Variants in PTPDC1 observed in about 807,000 individuals in gnomAD.
PTPDC1 encodes the protein protein tyrosine phosphatase domain containing 1, also known as protein tyrosine phosphatase domain-containing protein 1.
Under a neutral mutation model 75.3 loss-of-function variants are expected in PTPDC1, and 53 were observed. That is an observed-to-expected ratio of 0.70 (90% CI 0.56 to 0.88). The LOEUF is 0.88. Ranked by LOEUF, PTPDC1 falls within the 40% of genes least tolerant of loss-of-function variation. The pLI is 0.00. For synonymous variants in PTPDC1, 349 were observed against 366.2 expected (o/e 0.95, Z 0.54); for missense variants, 925 against 998.6 (o/e 0.93, Z 0.99).
chr9:94,083,565 G>A (rs1826963311), upstream of PTPDC1, among the ~76,000 whole-genome samples: 1 of 152,230 alleles, frequency 6.6e-6, no homozygotes, highest in African/African-American at 2.4e-5. Flanking sequence ...GCAAGCGAGG[G>A]CGCAGCCTGA....
In PTPDC1 at chr9:94,098,145, C is replaced by A; in HGVS notation, c.1579C>A (p.Pro527Thr). 1.2e-6 allele frequency: 2 copies of A among 1,614,204 alleles called. No individual in the cohort carries two copies. The highest frequency in any genetic ancestry group is 8.5e-7 in the Non-Finnish European group (1 of 1,180,038). The change falls in exon 6 of 9, where the codon CCA becomes ACA. Residue 527 changes from proline (P) to threonine (T), a missense_variant. Physicochemically the swap from Pro to Thr is conservative, Grantham distance 38 (BLOSUM62 -1). Transcript: ENST00000620992. ...GGAAGGACTCAAAGATAATGGGTCACCAATTTTCCATGGAAGGATCATTCC... is the reference window on the plus strand; with the variant it reads ...GGAAGGACTCAAAGATAATGGGTCAACAATTTTCCATGGAAGGATCATTCC... ...GLEGLKDNGS[P>T]IFHGRIIPKE... is the part of the protein sequence containing the mutation.
chr9:94,076,852 C>T (rs922097064), intron 2 of PTPDC1, among the ~76,000 whole-genome samples: 3 of 152,062 alleles, frequency 2.0e-5, no homozygotes, highest in South Asian at 2.1e-4. Flanking sequence ...TTATTATTGT[C>T]GGGCATTTGA....
At chr9:94,037,986 G>A (rs1353152956) in intron 1 of PTPDC1, 6 of 295,426 alleles carry the variant, frequency 2.0e-5, no homozygotes, top group South Asian at 4.0e-5. Flanking sequence ...GTCCGGCTTC[G>A]GGGTAGGAAC....
At chr9:94,088,352 G>A in intron 4 of PTPDC1, 89 bp downstream of exon 4, 6 of 1,416,422 alleles carry the variant, frequency 4.2e-6, no homozygotes, top group East Asian at 4.7e-5. Context: ...AAAAGATGAT[G>A]GAAATAAATA....
intron 4 of PTPDC1, among the ~76,000 whole-genome samples, chr9:94,092,436 G>A (rs1456198221): frequency 1.4e-5 from 2 of 142,152 alleles, no homozygotes; most frequent in African/African-American, 5.4e-5. Flanking sequence ...TGATTGCACT[G>A]TGGTCTGAGA....
intron 1 of PTPDC1, among the ~76,000 whole-genome samples, chr9:94,037,808 A>G (rs1456403828): frequency 2.0e-5 from 3 of 152,158 alleles, no homozygotes; most frequent in African/African-American, 7.2e-5. Context: ...TCGCTGAAGG[A>G]AAGTTATCCA....
At chr9:94,076,181 A>G (rs996253199) in intron 2 of PTPDC1, among the ~76,000 whole-genome samples, 1 of 152,022 alleles carries the variant, frequency 6.6e-6, no homozygotes, top group Non-Finnish European at 1.5e-5. Context: ...TGTATTTTTC[A>G]TGGAGACAGG....
At position 94,095,335 on chromosome 9, in the gene PTPDC1, G is replaced by T; in HGVS notation, c.635G>T (p.Gly212Val). The T allele has an allele frequency of 6.2e-7, 1 of 1,603,960 alleles. No individual in the cohort carries two copies. Among genetic ancestry groups the T allele is most frequent in the South Asian group, 1.1e-5 (1 of 88,408 alleles). ...MEAGIYFYNF[G>V]WKDYGVASLT... ...TTCCTAGTTTACTTCTACAATTTCGGATGGAAGGATTATGGTGTAGCGTCT... is the reference window on the plus strand; with the variant it reads ...TTCCTAGTTTACTTCTACAATTTCGTATGGAAGGATTATGGTGTAGCGTCT... Residue 212 changes from glycine (G) to valine (V), a missense_variant, in exon 5 of 9, where the codon GGA becomes GTA. Transcript: ENST00000620992.
intron 1 of PTPDC1, chr9:94,038,078 C>G (rs1825325676): frequency 7.4e-6 from 4 of 537,616 alleles, no homozygotes; most frequent in Non-Finnish European, 1.4e-5. Context: ...GAAGTGTGCC[C>G]AGTGACACAC....
intron 4 of PTPDC1, among the ~76,000 whole-genome samples, chr9:94,094,291 C>T (rs1202078504): frequency 6.6e-6 from 1 of 151,042 alleles, no homozygotes; most frequent in Non-Finnish European, 1.5e-5. Context: ...GTTAGTTTTC[C>T]TTCTAACAGA....
chr9:94,052,330 A>G (rs1414032959), intron 1 of PTPDC1, among the ~76,000 whole-genome samples: 2 of 152,114 alleles, frequency 1.3e-5, no homozygotes, highest in African/African-American at 4.8e-5. Context: ...CTAAAAATAT[A>G]CTTTCTATTA....
chr9:94,038,383 G>T, intron 1 of PTPDC1: 1 of 449,238 alleles, frequency 2.2e-6, no homozygotes, highest in Non-Finnish European at 4.1e-6. Flanking sequence ...AATGTCTCAT[G>T]ACTTTTTTAT....
At chr9:94,066,816 C>A (rs1167157314) in intron 2 of PTPDC1, among the ~76,000 whole-genome samples, 1 of 151,826 alleles carries the variant, frequency 6.6e-6, no homozygotes, top group Non-Finnish European at 1.5e-5. Context: ...CCTCAGCCTC[C>A]CAAACTGCTG....
At chr9:94,081,251 A>C (rs1232907669), upstream of PTPDC1, among the ~76,000 whole-genome samples, 2 of 152,168 alleles carry the variant, frequency 1.3e-5, no homozygotes, top group African/African-American at 4.8e-5. Context: ...CAGCCTCCCA[A>C]AGTGCTGGGA....
chr9:94,069,010 C>T (rs1048727174), intron 2 of PTPDC1, among the ~76,000 whole-genome samples: 6 of 152,108 alleles, frequency 3.9e-5, no homozygotes, highest in African/African-American at 1.4e-4. Flanking sequence ...TCCTATATTC[C>T]TCACTCTCTG....
intron 2 of PTPDC1, among the ~76,000 whole-genome samples, chr9:94,069,926 G>A (rs1028082243): frequency 4.0e-5 from 6 of 148,568 alleles, no homozygotes; most frequent in Non-Finnish European, 7.4e-5. Context: ...CCGGGTTCAC[G>A]CCATTCTCCT....
At chr9:94,048,090 T>C (rs986622890) in intron 1 of PTPDC1, among the ~76,000 whole-genome samples, 1 of 152,176 alleles carries the variant, frequency 6.6e-6, no homozygotes, top group African/African-American at 2.4e-5. Context: ...TTGATTCTTC[T>C]CTCTATTCTT....
At chr9:94,034,778 G>T (rs1825209157) in intron 1 of PTPDC1, among the ~76,000 whole-genome samples, 1 of 151,608 alleles carries the variant, frequency 6.6e-6, no homozygotes, top group African/African-American at 2.4e-5. Context: ...AGAAAATTGT[G>T]CCCCCAATAA....
At chr9:94,088,093 T>C (rs1490043026) in intron 3 of PTPDC1, 52 bp from the exon 4 acceptor site, 7 of 1,567,726 alleles carry the variant, frequency 4.5e-6, no homozygotes, top group Non-Finnish European at 4.3e-6. Context: ...AAATGGTTAA[T>C]TTTTTTTAAA....
Sources: allele counts gnomAD v4.1 joint callset (sites outside exome capture counted in the v4.1 genomes callset), GRCh38; gene constraint gnomAD v4.1.1; transcripts MANE v1.5; gene names NCBI Gene and HGNC (gene_info 2026-07-23, HGNC 2026-07-21).